RYR2: variants seen among roughly 807,000 people sequenced by gnomAD.
RYR2 encodes the protein ryanodine receptor 2, also known as cardiac muscle ryanodine receptor-calcium release channel.
A neutral mutation model predicts 601.1 loss-of-function variants in RYR2; 227 were observed. The ratio of observed to expected loss-of-function variants is 0.38; its 90% confidence interval spans 0.34 to 0.42. The LOEUF is 0.42. Among genes scored for constraint, RYR2 ranks in the 10% least tolerant of loss-of-function variants. RYR2 has a pLI of 1.00. For synonymous variants in RYR2, 2,223 were observed against 2,175.1 expected (o/e 1.02, Z -0.61); for missense variants, 4,646 against 6,156.5 (o/e 0.75, Z 8.21).
chr1:237,773,600 T>C lies in RYR2; in HGVS notation c.11727T>C (p.Ala3909=), dbSNP rs761191590. Residue 3909 remains alanine, a synonymous_variant, in exon 87 of 105, where the codon GCT becomes GCC. Transcript: ENST00000366574. The part of the protein sequence containing the change: ...DEQGQRNFSK[A]IQVAKQVFNT... ...AAGGACAACGGAATTTCTCCAAAGC[T>C]ATCCAAGTGGCAAAACAAGTCTTTA... 6.2e-7 allele frequency: 1 copy of C among 1,611,234 alleles called. No homozygotes were observed. Among genetic ancestry groups the C allele is most frequent in the South Asian group, 1.1e-5 (1 of 91,010 alleles).
intron 1 of RYR2, among the ~76,000 whole-genome samples, chr1:237,210,221 T>C (rs544216419): frequency 6.6e-6 from 1 of 152,070 alleles, no homozygotes; most frequent in South Asian, 2.1e-4. Context: ...AACTCTTTTT[T>C]AAAAAAATTT....
intron 1 of RYR2, among the ~76,000 whole-genome samples, chr1:237,249,017 G>A (rs534049632): frequency 9.9e-5 from 15 of 152,046 alleles, no homozygotes; most frequent in Admixed American, 2.0e-4. Flanking sequence ...CACCTGCCTC[G>A]GCCTCCCAAA....
rs137854930 is a variant in RYR2, at chr1:237,326,670, T to C, written c.169-4208T>C. Among the ~76,000 whole-genome samples, 173 of 152,350 alleles carry C rather than the reference T, an allele frequency of 1.1e-3. 2 individuals are homozygous for C. The highest frequency in any genetic ancestry group is 3.8e-3 in the African/African-American group (160 of 41,572). On this transcript the variant is annotated intron_variant, in intron 2 of 104. Coordinates refer to ENST00000366574, the MANE Select transcript of RYR2 (RefSeq NM_001035.3). The stretch of plus-strand genomic sequence containing the variant: ...CTCATAGTAAGGGCAAGGAACGTTC[T>C]TTCACATTGAAGTTCTAAAAATTAA...
rs1423744818 is a variant in RYR2 at position 237,566,793 on chromosome 1, T to C, written c.3423+18T>C. The stretch of plus-strand genomic sequence containing the variant: ...GCTTCAAGGTGAGTGGACTTTGTCC[T>C]GTGCCAGTCATCTGTACGTGCTGGA... On this transcript the variant is annotated intron_variant, in intron 28 of 104. Coordinates refer to ENST00000366574, the MANE Select transcript of RYR2 (RefSeq NM_001035.3). The C allele has an allele frequency of 1.2e-6, 2 of 1,613,470 alleles. No homozygotes were observed. Among genetic ancestry groups the C allele is most frequent in the Non-Finnish European group, 8.5e-7 (1 of 1,179,454 alleles).
At chr1:237,700,121 C>T (rs937550658) in intron 64 of RYR2, 108 bp from the exon 65 acceptor site, 1 of 727,350 alleles carries the variant, frequency 1.4e-6, no homozygotes, top group Non-Finnish European at 2.2e-6. Flanking sequence ...AGTTGGTTAC[C>T]AGGTGAGTAG....
intron 16 of RYR2, among the ~76,000 whole-genome samples, chr1:237,460,693 T>TA (rs578021842): frequency 1.6e-3 from 244 of 152,336 alleles, no homozygotes; most frequent in African/African-American, 4.9e-3. Flanking sequence ...GTGGAACTCT[T>TA]ACTCCTCTTT....
In RYR2 at chr1:237,685,004, C is replaced by G. The variant is rs79576850; in HGVS notation, c.9018-2451C>G. ...TCACGATTTAAGTAATAAACAATGC[C>G]AAGTACTGTTGACAGAACTCCAAAA... On this transcript the variant is annotated intron_variant, in intron 62 of 104. Transcript: ENST00000366574. 6.6e-5 allele frequency among the ~76,000 whole-genome samples: 10 copies of G among 151,458 alleles called. No homozygotes were observed. In the East Asian group the frequency reaches 1.7e-3, roughly 26 times the overall value.
chr1:237,710,544 G>T (rs2149074026), intron 70 of RYR2, among the ~76,000 whole-genome samples: 2 of 152,168 alleles, frequency 1.3e-5, no homozygotes, highest in Middle Eastern at 3.4e-3. Context: ...AAGGATATAT[G>T]AAATAATGGC....
intron 88 of RYR2, among the ~76,000 whole-genome samples, chr1:237,780,050 C>A (rs1343709919): frequency 6.6e-6 from 1 of 152,138 alleles, no homozygotes; most frequent in Non-Finnish European, 1.5e-5. Context: ...TTTTATCAGC[C>A]TGGAGTTTTC....
intron 38 of RYR2, among the ~76,000 whole-genome samples, chr1:237,619,865 T>C (rs1678891474): frequency 6.6e-6 from 1 of 152,128 alleles, no homozygotes; most frequent in African/African-American, 2.4e-5. Flanking sequence ...GAAAATACTC[T>C]TAAGGAACGA....
intron 2 of RYR2, among the ~76,000 whole-genome samples, chr1:237,300,826 A>G (rs1021900403): frequency 3.9e-5 from 6 of 152,134 alleles, no homozygotes; most frequent in African/African-American, 4.8e-5. Flanking sequence ...CTTCACTCCC[A>G]TAATGCTGAG....
At chr1:237,297,576 G>C (rs904830315) in intron 2 of RYR2, among the ~76,000 whole-genome samples, 1 of 152,080 alleles carries the variant, frequency 6.6e-6, no homozygotes, top group African/African-American at 2.4e-5. Flanking sequence ...TAATGTGATG[G>C]TTTGATGCAG....
chr1:237,438,728 C>T (rs1309169853), intron 12 of RYR2, among the ~76,000 whole-genome samples: 1 of 152,242 alleles, frequency 6.6e-6, no homozygotes. Flanking sequence ...CAGCAGATTG[C>T]TGCTGCCAGA....
At chr1:237,046,417 G>A (rs1660612127) in intron 1 of RYR2, among the ~76,000 whole-genome samples, 1 of 152,212 alleles carries the variant, frequency 6.6e-6, no homozygotes, top group Non-Finnish European at 1.5e-5. Flanking sequence ...CTGTAGGAAT[G>A]TCACAGAGTA....
At chr1:237,723,433 A>G (rs1689918980) in intron 74 of RYR2, among the ~76,000 whole-genome samples, 171 bp downstream of exon 74, 1 of 152,164 alleles carries the variant, frequency 6.6e-6, no homozygotes, top group South Asian at 2.1e-4. Flanking sequence ...ACAATTTCTA[A>G]GCTTACAAAT....
Position 237,628,072 on chromosome 1 carries a change from T to C in RYR2, c.6432T>C (p.Arg2144=). 1 of 1,613,468 alleles carries C rather than the reference T, an allele frequency of 6.2e-7. No homozygotes were observed. The highest frequency in any genetic ancestry group is 8.5e-7 in the Non-Finnish European group (1 of 1,179,630). ...MGKEEEKLMI[R]GLGDIMNNKV... ...AAGAAGAAGAGAAGCTCATGATTCG[T>C]GGATTAGGGTAAATTATTTAACTAC... is the stretch of plus-strand genomic sequence containing the variant. Residue 2144 remains arginine (R), a synonymous_variant, in exon 41 of 105, where the codon CGT becomes CGC. Coordinates refer to ENST00000366574, the MANE Select transcript of RYR2 (RefSeq NM_001035.3).
intron 78 of RYR2, among the ~76,000 whole-genome samples, chr1:237,733,007 T>G (rs12086956): frequency 0.086 from 13,164 of 152,196 alleles, 1,090 homozygotes; most frequent in African/African-American, 0.23. Context: ...ATCTATCCTT[T>G]CTCTCACTAT....
At chr1:237,814,965 C>CTTTTTTTT (rs11314213) in intron 100 of RYR2, among the ~76,000 whole-genome samples, 177 of 93,920 alleles carry the variant, frequency 1.9e-3, no homozygotes, top group African/African-American at 2.8e-3. Flanking sequence ...TTTCTTTTTT[C>CTTTTTTTT]TTTTTTTTTT....
At chr1:237,111,560 C>T (rs1459446460) in intron 1 of RYR2, among the ~76,000 whole-genome samples, 2 of 144,798 alleles carry the variant, frequency 1.4e-5, no homozygotes, top group East Asian at 4.1e-4. Context: ...TGCACTCTAG[C>T]CTGGGTGACA....
Sources: allele counts gnomAD v4.1 joint callset (sites outside exome capture counted in the v4.1 genomes callset), GRCh38; gene constraint gnomAD v4.1.1; transcripts MANE v1.5; gene names NCBI Gene and HGNC (gene_info 2026-07-23, HGNC 2026-07-21).